Variants in BMPR1B observed in about 807,000 individuals in gnomAD.
BMPR1B encodes the protein bone morphogenetic protein receptor type-1B.
Under a neutral mutation model 59.1 loss-of-function variants are expected in BMPR1B, and 12 were observed. The observed-to-expected ratio is 0.20, with a 90% confidence interval of 0.13 to 0.33. BMPR1B has a LOEUF of 0.33. BMPR1B is among the 10% of genes least tolerant of loss of function. The pLI, the probability that BMPR1B is intolerant of heterozygous loss-of-function variation, is 1.00. For synonymous variants in BMPR1B, 237 were observed against 207.3 expected (o/e 1.14, Z -1.23); for missense variants, 550 against 610.9 (o/e 0.90, Z 1.05).
chr4:94,778,331 C>T (rs1037092577), intron 1 of BMPR1B, among the ~76,000 whole-genome samples: 7 of 152,078 alleles, frequency 4.6e-5, no homozygotes, highest in African/African-American at 1.7e-4. Flanking sequence ...TATAAAAATA[C>T]GACTCTTTAG....
intron 2 of BMPR1B, among the ~76,000 whole-genome samples, chr4:94,937,759 A>G (rs1729374827): frequency 1.4e-5 from 2 of 140,550 alleles, no homozygotes; most frequent in African/African-American, 5.9e-5. Context: ...ATCCATACAC[A>G]CTGCAGGAGA....
chr4:94,968,866 G>A (rs1730663986), intron 2 of BMPR1B, among the ~76,000 whole-genome samples: 1 of 152,124 alleles, frequency 6.6e-6, no homozygotes, highest in Admixed American at 6.5e-5. Context: ...ATATTCTCAT[G>A]TAGGAGGACG....
At chr4:95,149,921 A>T (rs975737240) in intron 11 of BMPR1B, among the ~76,000 whole-genome samples, 2 of 152,218 alleles carry the variant, frequency 1.3e-5, no homozygotes, top group Non-Finnish European at 2.9e-5. Context: ...TATGGTTTCA[A>T]TGTAAAGATA....
chr4:95,001,883 G>A (rs560283951), intron 3 of BMPR1B, among the ~76,000 whole-genome samples: 2 of 152,174 alleles, frequency 1.3e-5, no homozygotes, highest in Middle Eastern at 3.4e-3. Context: ...AGAAGTTGGG[G>A]CTCTTTGGCT....
In BMPR1B at chr4:94,846,845, CAAA is replaced by C. The variant is rs58369445; in HGVS notation, c.-182-28976_-182-28974del. Among the ~76,000 whole-genome samples the C allele has an allele frequency of 6.7e-5, 10 of 148,156 alleles. No homozygotes were observed. In the South Asian group the frequency reaches 8.4e-4, roughly 12 times the overall value. On this transcript the variant is annotated intron_variant, in intron 1 of 12. Coordinates refer to ENST00000515059, the MANE Select transcript of BMPR1B (RefSeq NM_001203.3). ...TGACACCCCAGACTGTGAAACTACT[CAAA>C]AAAAAAAAACGTTGGGGAAACTCTC...
At position 94,779,278 on chromosome 4, in the gene BMPR1B, T is replaced by A. The variant is rs144534999; in HGVS notation, c.-183+21210T>A. Among the ~76,000 whole-genome samples, 15 of 152,266 alleles carry A rather than the reference T, an allele frequency of 9.9e-5. No individual in the cohort carries two copies. The East Asian group carries it at 2.9e-3, about 29-fold the overall frequency. ...ATGTATCTATCCTTTCATTCTAGAG[T>A]AATTGTCCATTAATGTCAGCCCTGT... On this transcript the variant is annotated intron_variant, in intron 1 of 12. Coordinates refer to ENST00000515059, the MANE Select transcript of BMPR1B (RefSeq NM_001203.3).
rs1304971448 is a variant in BMPR1B at position 94,943,485 on chromosome 4, A to G, written c.-112-52555A>G. ...AGCATATCTGTTCCTCTGTGTCTTC[A>G]GGTCTAAATAAGGATAATAATAGTA... On this transcript the variant is annotated intron_variant, in intron 2 of 12. Coordinates refer to ENST00000515059, the MANE Select transcript of BMPR1B (RefSeq NM_001203.3). 3.3e-5 allele frequency among the ~76,000 whole-genome samples: 5 copies of G among 152,156 alleles called. No homozygotes were observed. In the East Asian group the frequency reaches 9.6e-4, roughly 29 times the overall value.
intron 1 of BMPR1B, among the ~76,000 whole-genome samples, chr4:94,796,034 G>A (rs1345219550): frequency 1.3e-5 from 2 of 150,626 alleles, no homozygotes; most frequent in South Asian, 2.1e-4. Flanking sequence ...ATGCAATCTC[G>A]GCTTACTGCA....
chr4:95,089,618 G>A (rs1729834238), intron 3 of BMPR1B, among the ~76,000 whole-genome samples: 1 of 152,104 alleles, frequency 6.6e-6, no homozygotes, highest in Non-Finnish European at 1.5e-5. Context: ...TATCCAAAGA[G>A]GGAGAGCTTG....
At chr4:94,964,303 C>CCTTT (rs746594225) in intron 2 of BMPR1B, among the ~76,000 whole-genome samples, 12 of 152,124 alleles carry the variant, frequency 7.9e-5, no homozygotes, top group African/African-American at 1.4e-4. Context: ...ATTTGTATGT[C>CCTTT]CTTTCTTTCT....
chr4:95,114,414 C>A (rs1731856972), intron 4 of BMPR1B, among the ~76,000 whole-genome samples: 1 of 151,946 alleles, frequency 6.6e-6, no homozygotes, highest in African/African-American at 2.4e-5. Context: ...AATAAGTGTT[C>A]AGTAATTGGT....
chr4:94,908,883 G>T (rs577013756), intron 2 of BMPR1B, among the ~76,000 whole-genome samples: 1 of 152,136 alleles, frequency 6.6e-6, no homozygotes, highest in East Asian at 1.9e-4. Flanking sequence ...TAGGACTGCC[G>T]TAAGAAATTA....
intron 3 of BMPR1B, among the ~76,000 whole-genome samples, chr4:95,009,256 T>C (rs1301222214): frequency 6.6e-6 from 1 of 152,222 alleles, no homozygotes; most frequent in Non-Finnish European, 1.5e-5. Context: ...GCAGCAATTC[T>C]ACCCCTAGGT....
intron 2 of BMPR1B, among the ~76,000 whole-genome samples, chr4:94,898,132 C>G (rs1162780910): frequency 1.3e-5 from 2 of 151,116 alleles, no homozygotes; most frequent in African/African-American, 4.9e-5. Context: ...AAATTTTTTT[C>G]TAGAGATGGG....
chr4:94,935,622 T>G (rs1345543502), intron 2 of BMPR1B, among the ~76,000 whole-genome samples: 1 of 152,136 alleles, frequency 6.6e-6, no homozygotes. Context: ...AGGTGGTGTA[T>G]TAGCAGAAAT....
At chr4:94,945,352 A>G (rs1189828008) in intron 2 of BMPR1B, among the ~76,000 whole-genome samples, 1 of 152,234 alleles carries the variant, frequency 6.6e-6, no homozygotes, top group Non-Finnish European at 1.5e-5. Context: ...CATAGAGTTA[A>G]TAATCTAATA....
chr4:94,858,281 A>G (rs1489610596), intron 1 of BMPR1B, among the ~76,000 whole-genome samples: 2 of 152,206 alleles, frequency 1.3e-5, no homozygotes, highest in African/African-American at 4.8e-5. Flanking sequence ...TGATCACTGA[A>G]TAGAATTGTT....
chr4:94,840,985 A>T lies in BMPR1B; in HGVS notation c.-182-34846A>T, dbSNP rs7687517. ...TTTGTTAGTTTTCCTTCTAACAGACAGGACCCTCAGCTGCAGGTCTGTTGG... is the reference window on the plus strand; with the variant it reads ...TTTGTTAGTTTTCCTTCTAACAGACTGGACCCTCAGCTGCAGGTCTGTTGG... On this transcript the variant is annotated intron_variant, in intron 1 of 12. Transcript: ENST00000515059. 4.9e-5 allele frequency among the ~76,000 whole-genome samples: 7 copies of T among 143,678 alleles called. No homozygotes were observed. In the South Asian group the frequency reaches 6.8e-4, roughly 14 times the overall value. 94.3% of individuals were successfully genotyped at this position (143,678 alleles called of 152,430 possible).
chr4:94,788,388 C>A (rs545092205), intron 1 of BMPR1B, among the ~76,000 whole-genome samples: 1 of 152,234 alleles, frequency 6.6e-6, no homozygotes, highest in African/African-American at 2.4e-5. Flanking sequence ...GGGCTGTCTT[C>A]TGGTCTTTTG....
Sources: gnomAD v4.1 joint callset for allele counts (sites outside exome capture counted in the v4.1 genomes callset) on GRCh38, gnomAD v4.1.1 for gene constraint, MANE v1.5 for transcripts, NCBI Gene and HGNC (gene_info 2026-07-23, HGNC 2026-07-21) for gene names.